STK24: variants seen among roughly 807,000 people sequenced by gnomAD.
The protein encoded by STK24 is serine/threonine-protein kinase 24.
A neutral mutation model predicts 55.6 loss-of-function variants in STK24; 21 were observed. That is an observed-to-expected ratio of 0.38 (90% confidence interval 0.27 to 0.54). The LOEUF (loss-of-function observed/expected upper bound fraction) is 0.54, where lower values mean the gene tolerates loss of function less well. Ranked by LOEUF, STK24 falls within the 20% of genes least tolerant of loss-of-function variation. The pLI, the probability that STK24 is intolerant of heterozygous loss-of-function variation, is 0.79. For synonymous variants in STK24, 200 were observed against 215.2 expected, an observed-to-expected ratio of 0.93 and a Z score of 0.62; for missense variants, 383 against 538.4, an observed-to-expected ratio of 0.71 and a Z score of 2.86.
At chr13:98,477,173 A>T (rs1894410089) in intron 3 of STK24, among the ~76,000 whole-genome samples, 1 of 152,244 alleles carries the variant, frequency 6.6e-6, no homozygotes, top group Admixed American at 6.5e-5. Flanking sequence ...TAAAGAACAC[A>T]ATCAGGAAAA....
At chr13:98,460,505 A>G (rs1893659360) in intron 8 of STK24, 65 bp from the exon 9 acceptor site, 1 of 1,339,366 alleles carries the variant, frequency 7.5e-7, no homozygotes, top group Non-Finnish European at 1.1e-6. Flanking sequence ...ATAATTTAAT[A>G]AACCTCCCAC....
intron 1 of STK24, chr13:98,553,186 G>C (rs1897198400): frequency 6.6e-6 from 1 of 152,256 alleles, no homozygotes; most frequent in Non-Finnish European, 1.5e-5. Flanking sequence ...CAGAGTCCCT[G>C]TGGGGTGCGT....
intron 5 of STK24, 51 bp downstream of exon 5, chr13:98,474,770 G>A (rs768624879): frequency 1.3e-6 from 2 of 1,540,558 alleles, no homozygotes; most frequent in South Asian, 1.3e-5. Flanking sequence ...ACAAAAGGCG[G>A]GAGCCCTCCA....
chr13:98,522,490 A>G (rs1330104973), intron 1 of STK24, among the ~76,000 whole-genome samples: 1 of 149,120 alleles, frequency 6.7e-6, no homozygotes, highest in African/African-American at 2.4e-5. Context: ...AGGCTGTGTT[A>G]AAGACTCACG....
intron 2 of STK24, among the ~76,000 whole-genome samples, chr13:98,502,842 C>T (rs781199155): frequency 2.0e-5 from 3 of 152,116 alleles, no homozygotes; most frequent in Admixed American, 2.0e-4. Flanking sequence ...ACAAAATATG[C>T]TACTAGAGGG....
At chr13:98,537,183 G>A (rs533171378) in intron 1 of STK24, among the ~76,000 whole-genome samples, 4 of 152,326 alleles carry the variant, frequency 2.6e-5, no homozygotes, top group Admixed American at 2.6e-4. Flanking sequence ...GGCTACCTGT[G>A]CAGTGCCACC....
At chr13:98,500,752 CAAT>C in intron 2 of STK24, among the ~76,000 whole-genome samples, 1 of 151,684 alleles carries the variant, frequency 6.6e-6, no homozygotes, top group Admixed American at 6.6e-5. Context: ...CCAACTATGA[CAAT>C]AATTAGATTT....
Position 98,544,766 on chromosome 13 carries a change from TACTCTCA to T in STK24, c.43-25300_43-25294del, listed in dbSNP as rs553808912. Among the ~76,000 whole-genome samples, 32 of 152,198 alleles carry T rather than the reference TACTCTCA, an allele frequency of 2.1e-4. No individual in the cohort carries two copies. The East Asian group carries it at 4.8e-3, about 23-fold the overall frequency. On this transcript the variant is annotated intron_variant, in intron 1 of 10. Coordinates refer to ENST00000539966, the MANE Select transcript of STK24 (RefSeq NM_001032296.4). ...GGAGAGGGGAAACATTTCAGAAAAATACTCTCAACTCTCAAAGAAATTACAGACAATT... is the reference window on the plus strand; with the variant it reads ...GGAGAGGGGAAACATTTCAGAAAAATACTCTCAAAGAAATTACAGACAATT...
At position 98,576,956 on chromosome 13, in the gene STK24, G is replaced by C. The variant is rs1897918862; in HGVS notation, c.-170C>G. ...CCGGGCGGCGGGGGCTCAGCGGCGG[G>C]TGGCGGGCCGCGTCTCCATGCACGG... On this transcript the variant is annotated 5_prime_UTR_variant, in exon 1 of 11. Coordinates refer to ENST00000539966, the MANE Select transcript of STK24 (RefSeq NM_001032296.4). 5.0e-6 allele frequency: 1 copy of C among 199,440 alleles called. No homozygotes were observed. The highest frequency in any genetic ancestry group is 2.4e-5 in the African/African-American group (1 of 41,700). 12.4% of individuals were successfully genotyped at this position (199,440 alleles called of 1,614,324 possible).
At chr13:98,490,025 T>A (rs1894959953) in intron 2 of STK24, among the ~76,000 whole-genome samples, 1 of 151,908 alleles carries the variant, frequency 6.6e-6, no homozygotes, top group African/African-American at 2.4e-5. Context: ...TGGACAGGCA[T>A]GGAAAGAAGA....
intron 2 of STK24, 47 bp from the exon 3 acceptor site, chr13:98,482,368 G>A: frequency 2.4e-6 from 3 of 1,251,080 alleles, no homozygotes; most frequent in Non-Finnish European, 2.3e-6. Context: ...ATGAATCCAG[G>A]AAAATTTTTT....
In STK24 at chr13:98,449,806, G is replaced by C; in HGVS notation, c.*3367C>G. ...TGTAGTCTTCATTTTCTGTGTGGGGGGGGAGGGGGGAAGGGGACACTCCAG... is the reference window on the plus strand; with the variant it reads ...TGTAGTCTTCATTTTCTGTGTGGGGCGGGAGGGGGGAAGGGGACACTCCAG... On this transcript the variant is annotated 3_prime_UTR_variant, in exon 11 of 11. Transcript: ENST00000539966. 6.6e-6 allele frequency: 1 copy of C among 152,430 alleles called. No homozygotes were observed. Among genetic ancestry groups the C allele is most frequent in the East Asian group, 1.9e-4 (1 of 5,188 alleles). 9.4% of individuals were successfully genotyped at this position (152,430 alleles called of 1,614,324 possible). A position where few individuals can be genotyped will look rare whatever the true frequency, so the allele number is the denominator to read the frequency against.
intron 1 of STK24, among the ~76,000 whole-genome samples, chr13:98,563,001 G>A (rs75416084): frequency 0.014 from 2,149 of 151,490 alleles, 56 homozygotes; most frequent in African/African-American, 0.048. Flanking sequence ...GCACAGAAAC[G>A]TCTGTATATT....
intron 5 of STK24, among the ~76,000 whole-genome samples, chr13:98,473,971 A>G (rs1156616788): frequency 2.0e-5 from 3 of 152,214 alleles, no homozygotes; most frequent in East Asian, 1.9e-4. Context: ...GCCTATATGC[A>G]TATCTGAGTT....
At chr13:98,522,303 C>T (rs951509810) in intron 1 of STK24, among the ~76,000 whole-genome samples, 6 of 152,204 alleles carry the variant, frequency 3.9e-5, no homozygotes, top group Admixed American at 1.3e-4. Context: ...TCCTTCTCCC[C>T]AGGGGTGCCC....
At position 98,556,026 on chromosome 13, in the gene STK24, G is replaced by A. The variant is rs115761163; in HGVS notation, c.42+20719C>T. ...TAAATGTCTTCCTTTCTCTAGATAA[G>A]GTCTTTTATCAGCATATACCTGACG... On this transcript the variant is annotated intron_variant, in intron 1 of 10. Transcript: ENST00000539966. Among the ~76,000 whole-genome samples the A allele has an allele frequency of 8.7e-3, 1,330 of 152,238 alleles. 27 individuals are homozygous for A. Among genetic ancestry groups the A allele is most frequent in the African/African-American group, 0.029 (1,224 of 41,536 alleles).
At chr13:98,455,506 ATT>A (rs1281626254) in intron 10 of STK24, 1 of 152,248 alleles carries the variant, frequency 6.6e-6, no homozygotes, top group Non-Finnish European at 1.5e-5. Flanking sequence ...CTCCCAAAGC[ATT>A]GGGATTACAG....
At chr13:98,528,287 G>A (rs1251860971) in intron 1 of STK24, among the ~76,000 whole-genome samples, 1 of 152,150 alleles carries the variant, frequency 6.6e-6, no homozygotes, top group Non-Finnish European at 1.5e-5. Flanking sequence ...GACAGATGGA[G>A]GTATCTTCTG....
Position 98,463,753 on chromosome 13 carries a change from G to A in STK24, c.867C>T (p.Asp289=), listed in dbSNP as rs773250947. 1 of 1,614,214 alleles carries A rather than the reference G, an allele frequency of 6.2e-7. No homozygotes were observed. The highest frequency in any genetic ancestry group is 8.5e-7 in the Non-Finnish European group (1 of 1,180,044). ...GCTCGGCCTTCCATCTCTTGTACCT[G>A]TCGATGAGCTCGGTCAAGTAGGAAG... The part of the protein sequence containing the change: ...KKTSYLTELI[D]RYKRWKAEQS... Residue 289 remains aspartate, a synonymous_variant, in exon 7 of 11, where the codon GAC becomes GAT. Coordinates refer to ENST00000539966, the MANE Select transcript of STK24 (RefSeq NM_001032296.4).
Sources: gnomAD v4.1 joint callset for allele counts (sites outside exome capture counted in the v4.1 genomes callset) on GRCh38, gnomAD v4.1.1 for gene constraint, MANE v1.5 for transcripts, NCBI Gene and HGNC (gene_info 2026-07-23, HGNC 2026-07-21) for gene names.